Variants in TRAM2 observed in about 807,000 individuals in gnomAD.
The protein encoded by TRAM2 is translocating chain-associated membrane protein 2.
A neutral mutation model predicts 51.0 loss-of-function variants in TRAM2; 12 were observed. The observed-to-expected ratio is 0.24, with a 90% CI of 0.15 to 0.38. TRAM2 has a LOEUF of 0.38. Among genes scored for constraint, TRAM2 ranks in the 10% least tolerant of loss-of-function variants. TRAM2 has a pLI of 1.00. For missense variants in TRAM2, 361 were observed against 462.0 expected (o/e 0.78, Z 2.00); for synonymous variants, 175 against 179.4 (o/e 0.98, Z 0.20).
chr6:52,552,787 C>T (rs1488886195), intron 1 of TRAM2, among the ~76,000 whole-genome samples: 3 of 152,198 alleles, frequency 2.0e-5, no homozygotes, highest in African/African-American at 7.2e-5. Context: ...TCTTTACCTA[C>T]ATAGTGCATG....
At chr6:52,525,772 C>T (rs545440447) in intron 2 of TRAM2, among the ~76,000 whole-genome samples, 3 of 152,196 alleles carry the variant, frequency 2.0e-5, no homozygotes, top group Non-Finnish European at 4.4e-5. Flanking sequence ...TGTGCCACTG[C>T]ACTCCAGCCT....
At chr6:52,555,840 C>T (rs1376864381) in intron 1 of TRAM2, among the ~76,000 whole-genome samples, 1 of 152,016 alleles carries the variant, frequency 6.6e-6, no homozygotes, top group Non-Finnish European at 1.5e-5. Flanking sequence ...TGTCCAGGCA[C>T]AAAAACAGAG....
intron 6 of TRAM2, 38 bp from the exon 7 acceptor site, chr6:52,507,661 C>T (rs772779025): frequency 6.2e-7 from 1 of 1,602,186 alleles, no homozygotes; most frequent in South Asian, 1.1e-5. Context: ...TTTGCTAATT[C>T]CCTAACTGAA....
chr6:52,576,764 T>A (rs985703045), intron 1 of TRAM2, 32 bp downstream of exon 1: 2 of 1,606,686 alleles, frequency 1.2e-6, no homozygotes, highest in Non-Finnish European at 1.7e-6. Flanking sequence ...GGGGGCACTG[T>A]CCCTCCAGCT....
intron 1 of TRAM2, among the ~76,000 whole-genome samples, chr6:52,569,629 T>C (rs1302230131): frequency 1.3e-5 from 2 of 151,832 alleles, no homozygotes; most frequent in Non-Finnish European, 2.9e-5. Context: ...CAGCAATGGC[T>C]CGAGGTTGAG....
chr6:52,569,772 T>C (rs559522288), intron 1 of TRAM2, among the ~76,000 whole-genome samples: 22 of 152,226 alleles, frequency 1.4e-4, no homozygotes, highest in Admixed American at 3.3e-4. Flanking sequence ...TATTCATCTC[T>C]GCATTCCCAG....
intron 7 of TRAM2, 102 bp from the exon 8 acceptor site, chr6:52,506,238 C>A: frequency 1.0e-6 from 1 of 1,001,016 alleles, no homozygotes; most frequent in East Asian, 2.4e-5. Flanking sequence ...TGGCTGGGCT[C>A]TGCTTTCCAC....
Position 52,497,683 on chromosome 6 carries a change from T to G in TRAM2, c.*5514A>C, listed in dbSNP as rs1171249622. 6.6e-6 allele frequency: 1 copy of G among 152,614 alleles called. No homozygotes were observed. Among genetic ancestry groups the G allele is most frequent in the Non-Finnish European group, 1.5e-5 (1 of 68,044 alleles). The allele number at this position is 152,614 out of a possible 1,614,324, so 9.5% of individuals were successfully genotyped here. A position where few individuals can be genotyped will look rare whatever the true frequency, so the allele number is the denominator to read the frequency against. On this transcript the variant is annotated 3_prime_UTR_variant, in exon 11 of 11. Coordinates refer to ENST00000182527, the MANE Select transcript of TRAM2 (RefSeq NM_012288.4). ...AGGCTAGAGTAGAAAACAGACACTT[T>G]GTCCACATTTGCATTATCAGTTGCT...
chr6:52,509,385 A>G (rs1766409426), intron 5 of TRAM2, 143 bp downstream of exon 5: 2 of 687,448 alleles, frequency 2.9e-6, no homozygotes, highest in African/African-American at 3.6e-5. Flanking sequence ...GCTTCCAGAC[A>G]AGTCTACCAT....
At chr6:52,567,966 T>C (rs1767615973) in intron 1 of TRAM2, among the ~76,000 whole-genome samples, 1 of 152,188 alleles carries the variant, frequency 6.6e-6, no homozygotes, top group African/African-American at 2.4e-5. Context: ...TCCTCCCAAT[T>C]TCTGACTCGC....
chr6:52,542,259 TG>T (rs71982631), intron 1 of TRAM2, among the ~76,000 whole-genome samples: 47 of 116,696 alleles, frequency 4.0e-4, no homozygotes, highest in Non-Finnish European at 4.7e-4. Context: ...AAGAGATTTT[TG>T]GGTTTTTTTT....
chr6:52,509,471 C>A, intron 5 of TRAM2, 57 bp downstream of exon 5: 1 of 1,565,360 alleles, frequency 6.4e-7, no homozygotes, highest in African/African-American at 1.4e-5. Context: ...TCCGCTGGGA[C>A]AGGAAGGCAG....
chr6:52,548,816 G>T (rs1488602502), intron 1 of TRAM2, among the ~76,000 whole-genome samples: 1 of 152,186 alleles, frequency 6.6e-6, no homozygotes, highest in Admixed American at 6.5e-5. Context: ...AAGGGCAAGT[G>T]GAAGCTCCTT....
At position 52,509,543 on chromosome 6, in the gene TRAM2, G is replaced by A; in HGVS notation, c.455C>T (p.Pro152Leu). 2 of 1,614,100 alleles carry A rather than the reference G, an allele frequency of 1.2e-6. No individual in the cohort carries two copies. The highest frequency in any genetic ancestry group is 1.7e-6 in the Non-Finnish European group (2 of 1,179,998). ...TNPRSLWEDY[P>L]HVHLPFQVKF... The stretch of plus-strand genomic sequence containing the variant: ...GAATACTCACGGGAGGTGCACATGC[G>A]GGTAGTCTTCCCAGAGGCTTCTTGG... Residue 152 changes from proline (P) to leucine (L), a missense_variant, in exon 5 of 11, where the codon CCG (proline) becomes CTG (leucine). Pro to Leu is a moderately conservative substitution (Grantham distance 98). Transcript: ENST00000182527.
intron 1 of TRAM2, among the ~76,000 whole-genome samples, chr6:52,543,288 T>C (rs1419010218): frequency 6.6e-6 from 1 of 152,226 alleles, no homozygotes; most frequent in Non-Finnish European, 1.5e-5. Flanking sequence ...CTGGATAGCA[T>C]AGCATACTCA....
At chr6:52,522,340 G>A (rs572673087) in intron 2 of TRAM2, among the ~76,000 whole-genome samples, 101 of 152,388 alleles carry the variant, frequency 6.6e-4, no homozygotes, top group African/African-American at 2.3e-3. Context: ...GTGGCTGCAG[G>A]AGAGGCGCAA....
At chr6:52,527,724 A>T (rs76894285) in intron 2 of TRAM2, among the ~76,000 whole-genome samples, 22,318 of 152,236 alleles carry the variant, frequency 0.15, 1,725 homozygotes, top group African/African-American at 0.19. Flanking sequence ...ATAAATTATC[A>T]GAGCTACGAC....
At position 52,534,502 on chromosome 6, in the gene TRAM2, G is replaced by A. The variant is rs149231201; in HGVS notation, c.184+1281C>T. ...AGGACTTTGCCACTGAGAAAGGAGC[G>A]ATACTCTGGTGCTGGTGGCGGGATC... On this transcript the variant is annotated intron_variant, in intron 2 of 10. Coordinates refer to ENST00000182527, the MANE Select transcript of TRAM2 (RefSeq NM_012288.4). Among the ~76,000 whole-genome samples the A allele has an allele frequency of 6.6e-5, 10 of 152,294 alleles. No individual in the cohort carries two copies. The East Asian group carries it at 7.7e-4, about 12-fold the overall frequency.
rs1172270444 is a variant in TRAM2 at position 52,501,876 on chromosome 6, C to G, written c.*1321G>C. The G allele has an allele frequency of 6.6e-6, 1 of 152,130 alleles. No homozygotes were observed. Among genetic ancestry groups the G allele is most frequent in the South Asian group, 2.1e-4 (1 of 4,818 alleles). 9.4% of individuals were successfully genotyped at this position (152,130 alleles called of 1,614,324 possible). On this transcript the variant is annotated 3_prime_UTR_variant, in exon 11 of 11. Transcript: ENST00000182527. The stretch of plus-strand genomic sequence containing the variant: ...GGACCGGCTTTTTAAAGCTGAACGC[C>G]CCTTCTAAAAGTCCTCACAAGGCAC...
Sources: allele counts gnomAD v4.1 joint callset (sites outside exome capture counted in the v4.1 genomes callset), GRCh38; gene constraint gnomAD v4.1.1; transcripts MANE v1.5; gene names NCBI Gene and HGNC (gene_info 2026-07-23, HGNC 2026-07-21).